Variants in TOX3 observed in about 807,000 individuals in gnomAD.
TOX3 encodes the protein TOX high mobility group box family member 3.
A neutral mutation model predicts 64.3 loss-of-function variants in TOX3; 22 were observed. The ratio of observed to expected loss-of-function variants is 0.34; its 90% CI spans 0.24 to 0.49. The LOEUF (loss-of-function observed/expected upper bound fraction) is 0.49. TOX3 is among the 20% of genes least tolerant of loss of function. The probability of loss-of-function intolerance (pLI) is 0.99; values close to 1 mark genes in which losing one functional copy is unlikely to be tolerated. For missense variants in TOX3, 661 were observed against 714.4 expected, an observed-to-expected ratio of 0.93 and a Z score of 0.85; for synonymous variants, 291 against 273.6, an observed-to-expected ratio of 1.06 and a Z score of -0.63.
At chr16:52,514,374 G>T (rs1962387661) in intron 1 of TOX3, among the ~76,000 whole-genome samples, 1 of 152,180 alleles carries the variant, frequency 6.6e-6, no homozygotes. Flanking sequence ...TGTCAACCAT[G>T]AATCATAAGC....
chr16:52,459,314 A>C (rs1960620904), intron 3 of TOX3, among the ~76,000 whole-genome samples: 1 of 151,840 alleles, frequency 6.6e-6, no homozygotes. Flanking sequence ...CTCTCTAAAA[A>C]ATATGTAAAA....
intron 1 of TOX3, among the ~76,000 whole-genome samples, chr16:52,531,660 G>C (rs1268225942): frequency 1.3e-5 from 2 of 152,180 alleles, no homozygotes; most frequent in Non-Finnish European, 2.9e-5. Context: ...ATAAATAATA[G>C]CAGTGATAGG....
At chr16:52,521,938 C>T (rs1220986531) in intron 1 of TOX3, among the ~76,000 whole-genome samples, 4 of 152,162 alleles carry the variant, frequency 2.6e-5, no homozygotes, top group African/African-American at 9.7e-5. Flanking sequence ...GAAGGAATCC[C>T]AGATCAATCA....
intron 1 of TOX3, among the ~76,000 whole-genome samples, chr16:52,544,717 GT>G (rs1244855314): frequency 3.9e-5 from 6 of 152,134 alleles, no homozygotes; most frequent in Non-Finnish European, 8.8e-5. Flanking sequence ...TGAAATAAAT[GT>G]TCTGAGCTTA....
intron 1 of TOX3, among the ~76,000 whole-genome samples, chr16:52,468,817 A>G (rs1180383350): frequency 6.6e-6 from 1 of 152,208 alleles, no homozygotes; most frequent in East Asian, 1.9e-4. Context: ...TGTGAAGGGA[A>G]AGGATTACAA....
rs1596833597 is a variant in TOX3, at chr16:52,501,776, C to T, written c.88-33202G>A. ...GTGGATTATACTAGTGAAAGTACTG[C>T]CTTAACCCACTAATGTAAACAGATT... On this transcript the variant is annotated intron_variant, in intron 1 of 6. Coordinates refer to ENST00000219746, the MANE Select transcript of TOX3 (RefSeq NM_001080430.4). 3.3e-5 allele frequency among the ~76,000 whole-genome samples: 5 copies of T among 152,216 alleles called. No homozygotes were observed. In the South Asian group the frequency reaches 1.0e-3, roughly 32 times the overall value.
chr16:52,494,512 T>C (rs1248735010), intron 1 of TOX3, among the ~76,000 whole-genome samples: 1 of 152,242 alleles, frequency 6.6e-6, no homozygotes, highest in Non-Finnish European at 1.5e-5. Flanking sequence ...TACGATATTC[T>C]AACTGAGCCA....
At chr16:52,442,925 T>A (rs1347346682) in intron 6 of TOX3, among the ~76,000 whole-genome samples, 1 of 152,182 alleles carries the variant, frequency 6.6e-6, no homozygotes, top group Non-Finnish European at 1.5e-5. Flanking sequence ...GTATGCAATG[T>A]GTAAGTTTTA....
At chr16:52,546,569 G>T in intron 1 of TOX3, 68 bp downstream of exon 1, 1 of 1,443,538 alleles carries the variant, frequency 6.9e-7, no homozygotes, top group South Asian at 1.3e-5. Context: ...CGGTGAGCCC[G>T]AGCGCGGGGC....
chr16:52,539,854 T>G (rs1963036487), intron 1 of TOX3, among the ~76,000 whole-genome samples: 1 of 152,168 alleles, frequency 6.6e-6, no homozygotes. Flanking sequence ...CCTCAATCGT[T>G]TCTGCTTCCT....
chr16:52,546,658 C>T lies in TOX3; in HGVS notation c.66G>A (p.Leu22=), dbSNP rs958113524. The change falls in exon 1 of 7, where the codon CTG becomes CTA. Residue 22 remains leucine (L), a synonymous_variant. Transcript: ENST00000219746. Reference sequence around the variant, plus strand: ...TCACCTTGCTGTAGCCGTAGTACCCCAGGCACTGCGCGAAGTCCAGGCTGG... The same window carrying T: ...TCACCTTGCTGTAGCCGTAGTACCCTAGGCACTGCGCGAAGTCCAGGCTGG... ...DPASLDFAQC[L]GYYGYSKFGN... 7.2e-5 allele frequency: 111 copies of T among 1,543,180 alleles called. No individual in the cohort carries two copies. Among genetic ancestry groups the T allele is most frequent in the Non-Finnish European group, 9.2e-5 (106 of 1,147,452 alleles).
intron 1 of TOX3, among the ~76,000 whole-genome samples, chr16:52,486,204 C>T (rs1162360486): frequency 6.6e-6 from 1 of 152,024 alleles, no homozygotes; most frequent in South Asian, 2.1e-4. Flanking sequence ...TAGAGGAGAA[C>T]CCTGAAGAAC....
Position 52,439,107 on chromosome 16 carries a change from T to C in TOX3, c.*118A>G. The C allele has an allele frequency of 6.9e-7, 1 of 1,454,674 alleles. No individual in the cohort carries two copies. The highest frequency in any genetic ancestry group is 9.4e-7 in the Non-Finnish European group (1 of 1,063,466). The allele number at this position is 1,454,674 out of a possible 1,614,324, so 90.1% of individuals were successfully genotyped here. ...ATCTAATAGACACTTGAGAGGACCGTTTGATCTGTTACACATTTCTGCATA... is the reference window on the plus strand; with the variant it reads ...ATCTAATAGACACTTGAGAGGACCGCTTGATCTGTTACACATTTCTGCATA... On this transcript the variant is annotated 3_prime_UTR_variant, in exon 7 of 7. Coordinates refer to ENST00000219746, the MANE Select transcript of TOX3 (RefSeq NM_001080430.4).
At chr16:52,485,477 A>T (rs1596816469) in intron 1 of TOX3, among the ~76,000 whole-genome samples, 1 of 151,704 alleles carries the variant, frequency 6.6e-6, no homozygotes. Context: ...GACACTGGGG[A>T]CTCCAAAAGG....
chr16:52,547,793 G>T (rs528157611), upstream of TOX3: 1 of 152,308 alleles, frequency 6.6e-6, no homozygotes, highest in African/African-American at 2.4e-5. Flanking sequence ...GTGAAGCCTC[G>T]TGTCGGTTCT....
At chr16:52,445,174 C>T (rs926384535) in intron 5 of TOX3, 9 of 152,182 alleles carry the variant, frequency 5.9e-5, no homozygotes, top group Admixed American at 4.6e-4. Flanking sequence ...TTGCACCTTC[C>T]CAACAAAACA....
In TOX3 at chr16:52,439,208, G is replaced by C; in HGVS notation, c.*17C>G. On this transcript the variant is annotated 3_prime_UTR_variant, in exon 7 of 7. Transcript: ENST00000219746. Reference sequence around the variant, plus strand: ...CACTCTCCTTGGTATACGCAAATCCGTCTGCCATATGCGTCTTCAGAAAAT... The same window carrying C: ...CACTCTCCTTGGTATACGCAAATCCCTCTGCCATATGCGTCTTCAGAAAAT... The C allele has an allele frequency of 6.2e-7, 1 of 1,613,670 alleles. No individual in the cohort carries two copies. Among genetic ancestry groups the C allele is most frequent in the South Asian group, 1.1e-5 (1 of 91,042 alleles).
rs1445335204 is a variant in TOX3, at chr16:52,450,510, C to A, written c.445G>T (p.Asp149Tyr). ...SHTQVSQYRQ[D>Y]PSLIMRSIVH... The stretch of plus-strand genomic sequence containing the variant: ...ATGGACCGCATGATCAGGGAGGGAT[C>A]CTGCCGGTACTGGGACACTTGTGTG... The change falls in exon 4 of 7, where the codon GAT becomes TAT. Residue 149 changes from aspartate (D) to tyrosine (Y), a missense_variant. By Grantham distance (160) the Asp-to-Tyr change is radical (BLOSUM62 -3). Around this residue, in one of 3 missense-constraint regions of TOX3, gnomAD observed 259 missense variants for 261.2 expected, o/e 0.99. Coordinates refer to ENST00000219746, the MANE Select transcript of TOX3 (RefSeq NM_001080430.4). 3 of 1,614,028 alleles carry A rather than the reference C, an allele frequency of 1.9e-6. No homozygotes were observed. Among genetic ancestry groups the A allele is most frequent in the Non-Finnish European group, 2.5e-6 (3 of 1,179,896 alleles).
intron 1 of TOX3, among the ~76,000 whole-genome samples, chr16:52,503,317 A>T (rs1962055794): frequency 6.6e-6 from 1 of 152,202 alleles, no homozygotes; most frequent in South Asian, 2.1e-4. Flanking sequence ...TAGTTTCCTC[A>T]CTTGTAAAAT....
Sources: gnomAD v4.1 joint callset for allele counts (sites outside exome capture counted in the v4.1 genomes callset) on GRCh38, gnomAD v4.1.1 for gene constraint, gnomAD v4.1.1 regional missense constraint, MANE v1.5 for transcripts, NCBI Gene and HGNC (gene_info 2026-07-23, HGNC 2026-07-21) for gene names.